Variants in RIMS2 observed in about 807,000 individuals in gnomAD.
RIMS2 encodes the protein regulating synaptic membrane exocytosis protein 2.
RIMS2 carries 59 observed loss-of-function variants against 174.4 expected under a neutral mutation model. That is an observed-to-expected ratio of 0.34 (90% CI 0.27 to 0.42). RIMS2 has a LOEUF of 0.42. RIMS2 is among the 10% of genes least tolerant of loss of function. RIMS2 has a pLI of 1.00. For synonymous variants in RIMS2, 606 were observed against 572.5 expected, an observed-to-expected ratio of 1.06 and a Z score of -0.84; for missense variants, 1,620 against 1,666.3, an observed-to-expected ratio of 0.97 and a Z score of 0.48.
intron 19 of RIMS2, among the ~76,000 whole-genome samples, chr8:104,025,403 G>A (rs1451595827): frequency 2.6e-5 from 4 of 152,066 alleles, no homozygotes; most frequent in Non-Finnish European, 5.9e-5. Context: ...CAGGAAGATC[G>A]CTGAGCCCAG....
chr8:103,745,356 T>C (rs2097798776), intron 2 of RIMS2, among the ~76,000 whole-genome samples: 1 of 152,220 alleles, frequency 6.6e-6, no homozygotes, highest in Admixed American at 6.5e-5. Context: ...ACCACATTTT[T>C]TTTTCATTCA....
chr8:104,123,222 G>A (rs1337744353), intron 19 of RIMS2, among the ~76,000 whole-genome samples: 1 of 151,910 alleles, frequency 6.6e-6, no homozygotes, highest in Non-Finnish European at 1.5e-5. Context: ...CACTCAGTAT[G>A]TGTATATTTT....
chr8:104,068,793 CT>C (rs1042216080), intron 19 of RIMS2, among the ~76,000 whole-genome samples, 181 bp downstream of exon 23: 16 of 152,134 alleles, frequency 1.1e-4, no homozygotes, highest in Non-Finnish European at 1.8e-4. Context: ...ATTTGCCTTA[CT>C]TAAAAAAACT....
intron 19 of RIMS2, among the ~76,000 whole-genome samples, chr8:104,036,150 T>C (rs2096510125): frequency 6.6e-6 from 1 of 151,242 alleles, no homozygotes; most frequent in Non-Finnish European, 1.5e-5. Context: ...TATTTATTTA[T>C]TTATTTATTT....
intron 16 of RIMS2, among the ~76,000 whole-genome samples, chr8:103,979,721 C>A (rs2093732030): frequency 6.6e-6 from 1 of 152,170 alleles, no homozygotes; most frequent in Non-Finnish European, 1.5e-5. Context: ...CCAATGCCAT[C>A]CTTCTCCTAA....
At chr8:103,649,328 C>T (rs911043912) in intron 1 of RIMS2, among the ~76,000 whole-genome samples, 2 of 152,096 alleles carry the variant, frequency 1.3e-5, no homozygotes, top group African/African-American at 4.8e-5. Flanking sequence ...TGATGGGCTG[C>T]ATTTTGTAGG....
At chr8:103,917,080 T>G (rs1595099200) in intron 8 of RIMS2, among the ~76,000 whole-genome samples, 1 of 152,306 alleles carries the variant, frequency 6.6e-6, no homozygotes, top group East Asian at 1.9e-4. Flanking sequence ...AAATTAAAAT[T>G]GACAGTTTCC....
intron 1 of RIMS2, among the ~76,000 whole-genome samples, chr8:103,546,191 T>G (rs921697501): frequency 1.3e-5 from 2 of 152,174 alleles, no homozygotes; most frequent in African/African-American, 4.8e-5. Context: ...GAGAAAAATC[T>G]ACCAAGCAAA....
chr8:103,702,232 C>G (rs1283525942), intron 2 of RIMS2, among the ~76,000 whole-genome samples: 1 of 151,872 alleles, frequency 6.6e-6, no homozygotes, highest in East Asian at 1.9e-4. Flanking sequence ...TGTTTGTATT[C>G]TTTTGAGAAA....
chr8:103,885,586 C>CCAGTCA, exon 4 of RIMS2: 1 of 1,612,808 alleles, frequency 6.2e-7, no homozygotes, highest in Non-Finnish European at 8.5e-7. Context: ...AGGAAGAGTA[C>CCAGTCA]CAGTCACGCT....
chr8:103,901,156 G>T (rs888821568), intron 4 of RIMS2, among the ~76,000 whole-genome samples: 5 of 152,134 alleles, frequency 3.3e-5, no homozygotes, highest in African/African-American at 9.7e-5. Context: ...GCCCAGATAA[G>T]TAACAACATC....
chr8:104,025,616 G>A (rs1466018321), intron 19 of RIMS2, among the ~76,000 whole-genome samples: 3 of 152,058 alleles, frequency 2.0e-5, no homozygotes, highest in Non-Finnish European at 2.9e-5. Context: ...CTATAATTTT[G>A]TATTTGTGGC....
intron 1 of RIMS2, among the ~76,000 whole-genome samples, chr8:103,534,139 T>C (rs1586976209): frequency 6.6e-6 from 1 of 152,212 alleles, no homozygotes; most frequent in East Asian, 1.9e-4. Context: ...AAGCTCCACA[T>C]ATAAGGTAAA....
chr8:103,828,939 A>G (rs1306734110), intron 3 of RIMS2, among the ~76,000 whole-genome samples: 2 of 152,158 alleles, frequency 1.3e-5, no homozygotes, highest in East Asian at 3.9e-4. Context: ...CTATTTTTGT[A>G]CCAGTACCAT....
chr8:103,734,696 T>G (rs2097661959), intron 2 of RIMS2, among the ~76,000 whole-genome samples: 1 of 152,030 alleles, frequency 6.6e-6, no homozygotes, highest in Non-Finnish European at 1.5e-5. Context: ...TGCAGATGCC[T>G]TCATACTAAG....
At chr8:103,632,114 A>T (rs1424092147) in intron 1 of RIMS2, among the ~76,000 whole-genome samples, 1 of 152,012 alleles carries the variant, frequency 6.6e-6, no homozygotes, top group African/African-American at 2.4e-5. Flanking sequence ...TATGCATTTT[A>T]TTTCTTTCTC....
chr8:103,517,661 A>G (rs997208320), intron 1 of RIMS2, among the ~76,000 whole-genome samples: 7 of 152,166 alleles, frequency 4.6e-5, no homozygotes, highest in Admixed American at 2.6e-4. Context: ...GAAGGCATGT[A>G]CTGCCTGTAG....
chr8:103,867,359 T>G (rs1565000421), intron 3 of RIMS2, among the ~76,000 whole-genome samples: 1 of 151,772 alleles, frequency 6.6e-6, no homozygotes, highest in Non-Finnish European at 1.5e-5. Context: ...AATACAAATA[T>G]TATGTATTCT....
At chr8:103,579,082 G>T (rs946966808) in intron 1 of RIMS2, among the ~76,000 whole-genome samples, 2 of 152,104 alleles carry the variant, frequency 1.3e-5, no homozygotes, top group African/African-American at 4.8e-5. Context: ...AAAACTGGGA[G>T]AATTCACCAC....
Sources: gnomAD v4.1 joint callset for allele counts (sites outside exome capture counted in the v4.1 genomes callset) on GRCh38, gnomAD v4.1.1 for gene constraint, MANE v1.5 for transcripts, NCBI Gene and HGNC (gene_info 2026-07-23, HGNC 2026-07-21) for gene names.